Variants in SPATS2 observed in about 807,000 individuals in gnomAD.
SPATS2 encodes spermatogenesis-associated serine-rich protein 2.
Under a neutral mutation model 63.7 loss-of-function variants are expected in SPATS2, and 38 were observed. That is an observed-to-expected ratio of 0.60 (90% CI 0.46 to 0.78). The LOEUF is 0.78. Among genes scored for constraint, SPATS2 ranks in the 30% least tolerant of loss-of-function variants. The pLI, the probability that SPATS2 is intolerant of heterozygous loss-of-function variation, is 0.00. For synonymous variants in SPATS2, 207 were observed against 232.9 expected (o/e 0.89, Z 1.01); for missense variants, 588 against 666.2 (o/e 0.88, Z 1.29).
intron 3 of SPATS2, among the ~76,000 whole-genome samples, chr12:49,466,962 A>C (rs1945927160): frequency 6.7e-6 from 1 of 149,872 alleles, no homozygotes; most frequent in South Asian, 2.1e-4. Context: ...TTAGATCTTA[A>C]TTTCTCTCAG....
chr12:49,424,241 A>G (rs2137436941), intron 2 of SPATS2, among the ~76,000 whole-genome samples: 1 of 151,882 alleles, frequency 6.6e-6, no homozygotes, highest in South Asian at 2.1e-4. Flanking sequence ...ACAAACTCAG[A>G]CCATTATTTT....
chr12:49,526,071 G>T lies in SPATS2; in HGVS notation c.1454G>T (p.Gly485Val). The T allele has an allele frequency of 1.9e-6, 3 of 1,614,228 alleles. No homozygotes were observed. The highest frequency in any genetic ancestry group is 2.5e-6 in the Non-Finnish European group (3 of 1,180,048). Residue 485 changes from glycine to valine, a missense_variant, in exon 14 of 14, where the codon GGT becomes GTT. Physicochemically the swap from Gly to Val is moderately radical, Grantham distance 109. Coordinates refer to ENST00000552918, the MANE Select transcript of SPATS2 (RefSeq NM_023071.4). ...RYRNSSWYSS[G>V]SRYQSAPSQA... Reference sequence around the variant, plus strand: ...AGAAACAGCTCGTGGTATTCATCTGGTTCCAGGTATCAGAGTGCTCCATCT... The same window carrying T: ...AGAAACAGCTCGTGGTATTCATCTGTTTCCAGGTATCAGAGTGCTCCATCT...
chr12:49,447,393 C>T (rs1366523910), intron 2 of SPATS2, among the ~76,000 whole-genome samples: 1 of 152,160 alleles, frequency 6.6e-6, no homozygotes, highest in Non-Finnish European at 1.5e-5. Context: ...TGCGCACCAC[C>T]ATGCCTGGCT....
intron 2 of SPATS2, among the ~76,000 whole-genome samples, chr12:49,418,108 GTTTTTTTTTT>G (rs760281633): frequency 2.6e-5 from 2 of 76,060 alleles, no homozygotes; most frequent in Admixed American, 1.5e-4. Flanking sequence ...AAATGACTCA[GTTTTTTTTTT>G]TTTTTTTTTT....
At chr12:49,421,422 A>C (rs12321596) in intron 2 of SPATS2, among the ~76,000 whole-genome samples, 3 of 148,574 alleles carry the variant, frequency 2.0e-5, no homozygotes, top group African/African-American at 7.5e-5. Flanking sequence ...GTCTCAAAAA[A>C]AAAAAAAAAA....
At chr12:49,419,927 A>C (rs997427296) in intron 2 of SPATS2, among the ~76,000 whole-genome samples, 4 of 152,252 alleles carry the variant, frequency 2.6e-5, no homozygotes, top group African/African-American at 9.6e-5. Context: ...TTCAGAGAAA[A>C]GATTCAAAGC....
At chr12:49,459,890 G>A (rs111457924) in intron 2 of SPATS2, among the ~76,000 whole-genome samples, 1,799 of 132,676 alleles carry the variant, frequency 0.014, 37 homozygotes, top group African/African-American at 0.048. Flanking sequence ...TTCGAGACCA[G>A]CCTGGTCAAG....
chr12:49,409,089 A>G (rs1478135903), intron 2 of SPATS2, among the ~76,000 whole-genome samples: 2 of 152,180 alleles, frequency 1.3e-5, no homozygotes, highest in Non-Finnish European at 2.9e-5. Context: ...AAATGAATTA[A>G]CCTGATATTC....
intron 2 of SPATS2, among the ~76,000 whole-genome samples, chr12:49,381,868 A>G (rs1238915690): frequency 2.6e-5 from 4 of 152,210 alleles, no homozygotes; most frequent in South Asian, 2.1e-4. Flanking sequence ...ACTGATGAAT[A>G]TATTCTACCA....
chr12:49,377,954 T>C (rs1168342157), intron 2 of SPATS2, among the ~76,000 whole-genome samples: 2 of 152,116 alleles, frequency 1.3e-5, no homozygotes, highest in African/African-American at 4.8e-5. Flanking sequence ...TTGTCATGAT[T>C]GTTGCATTTT....
intron 4 of SPATS2, 105 bp downstream of exon 4, chr12:49,484,774 G>A: frequency 1.0e-6 from 1 of 961,168 alleles, no homozygotes; most frequent in South Asian, 1.5e-5. Context: ...GAAATTTTAA[G>A]AATAAAACAA....
At chr12:49,375,190 G>A (rs1338748271) in intron 2 of SPATS2, among the ~76,000 whole-genome samples, 1 of 91,096 alleles carries the variant, frequency 1.1e-5, no homozygotes, top group Non-Finnish European at 2.1e-5. Flanking sequence ...GTGTGTGTGT[G>A]TGTGTGGTGG....
At chr12:49,420,308 T>C (rs189150434) in intron 2 of SPATS2, among the ~76,000 whole-genome samples, 2 of 152,308 alleles carry the variant, frequency 1.3e-5, no homozygotes, top group East Asian at 3.9e-4. Context: ...AAGTATAAAG[T>C]GAGGCCTGGG....
chr12:49,437,327 C>G (rs1327929615), intron 2 of SPATS2, among the ~76,000 whole-genome samples: 1 of 151,094 alleles, frequency 6.6e-6, no homozygotes, highest in Non-Finnish European at 1.5e-5. Flanking sequence ...CGGGCAGAGA[C>G]GCTCCTCACT....
chr12:49,514,141 C>T (rs1223365263), intron 9 of SPATS2, among the ~76,000 whole-genome samples: 3 of 143,576 alleles, frequency 2.1e-5, no homozygotes, highest in Non-Finnish European at 4.5e-5. Flanking sequence ...TAGGAGACAG[C>T]GAGACTCCGT....
At chr12:49,378,692 G>A (rs768505794) in intron 2 of SPATS2, among the ~76,000 whole-genome samples, 4 of 151,862 alleles carry the variant, frequency 2.6e-5, no homozygotes, top group Non-Finnish European at 5.9e-5. Flanking sequence ...ACCTGCTGGG[G>A]TCAGGCAATC....
chr12:49,426,058 C>A (rs11611624), intron 2 of SPATS2, among the ~76,000 whole-genome samples: 14,015 of 152,206 alleles, frequency 0.092, 755 homozygotes, highest in African/African-American at 0.14. Flanking sequence ...GAAAAGCCTG[C>A]GTGTACGCCA....
At chr12:49,417,366 T>C (rs1944906248) in intron 2 of SPATS2, among the ~76,000 whole-genome samples, 1 of 152,250 alleles carries the variant, frequency 6.6e-6, no homozygotes, top group Non-Finnish European at 1.5e-5. Context: ...CTTGTAGGGA[T>C]ACTCCTAAGG....
At chr12:49,444,921 G>A (rs1483506076) in intron 2 of SPATS2, among the ~76,000 whole-genome samples, 2 of 152,042 alleles carry the variant, frequency 1.3e-5, no homozygotes, top group African/African-American at 4.8e-5. Context: ...ATTACTTTTT[G>A]TATATTGGTT....
Sources: gnomAD v4.1 joint callset for allele counts (sites outside exome capture counted in the v4.1 genomes callset) on GRCh38, gnomAD v4.1.1 for gene constraint, MANE v1.5 for transcripts, NCBI Gene and HGNC (gene_info 2026-07-23, HGNC 2026-07-21) for gene names.